Variants in HCN1 observed in about 807,000 individuals in gnomAD.
HCN1 encodes hyperpolarization activated cyclic nucleotide gated potassium channel 1, also known as potassium/sodium hyperpolarization-activated cyclic nucleotide-gated channel 1.
A neutral mutation model predicts 78.9 loss-of-function variants in HCN1; 13 were observed. The observed-to-expected ratio is 0.16, with a 90% CI of 0.11 to 0.26. HCN1 has a LOEUF of 0.26. HCN1 is among the 10% of genes least tolerant of loss of function. HCN1 has a pLI of 1.00. For synonymous variants in HCN1, 552 were observed against 455.5 expected, an observed-to-expected ratio of 1.21 and a Z score of -2.70; for missense variants, 810 against 1,154.3, an observed-to-expected ratio of 0.70 and a Z score of 4.32.
At chr5:45,315,327 C>T (rs751941932) in intron 5 of HCN1, among the ~76,000 whole-genome samples, 11 of 152,026 alleles carry the variant, frequency 7.2e-5, no homozygotes, top group Non-Finnish European at 1.5e-4. Context: ...GGGTACACAG[C>T]GAAATGAAGG....
chr5:45,648,430 AC>A (rs1745591507), intron 1 of HCN1, among the ~76,000 whole-genome samples: 1 of 152,036 alleles, frequency 6.6e-6, no homozygotes. Flanking sequence ...ACTCTGTTAA[AC>A]CCCATAATAT....
chr5:45,489,049 A>T (rs1741828558), intron 2 of HCN1, among the ~76,000 whole-genome samples: 1 of 152,180 alleles, frequency 6.6e-6, no homozygotes. Context: ...TGACTCTCAG[A>T]CAGGTAAGGC....
chr5:45,354,483 A>G (rs1746971412), intron 4 of HCN1, among the ~76,000 whole-genome samples: 1 of 152,052 alleles, frequency 6.6e-6, no homozygotes, highest in Non-Finnish European at 1.5e-5. Flanking sequence ...TCTTGATAAC[A>G]CAGCTCTGAC....
intron 4 of HCN1, among the ~76,000 whole-genome samples, chr5:45,369,099 C>CT (rs374140846): frequency 0.021 from 3,057 of 143,468 alleles, 81 homozygotes; most frequent in African/African-American, 0.063. Context: ...TTTCATGTGG[C>CT]TTTTTTTTTT....
intron 6 of HCN1, among the ~76,000 whole-genome samples, chr5:45,297,055 C>T (rs1053188571): frequency 1.3e-5 from 2 of 152,006 alleles, no homozygotes; most frequent in Non-Finnish European, 2.9e-5. Flanking sequence ...AGAGGTCTCA[C>T]AGCCTTCAGA....
At chr5:45,490,382 TG>T (rs1741858297) in intron 2 of HCN1, among the ~76,000 whole-genome samples, 2 of 152,328 alleles carry the variant, frequency 1.3e-5, no homozygotes, top group South Asian at 4.1e-4. Flanking sequence ...GACAAATTTA[TG>T]GGTTTTGCTT....
intron 2 of HCN1, among the ~76,000 whole-genome samples, chr5:45,586,796 G>T (rs902068044): frequency 6.6e-6 from 1 of 152,078 alleles, no homozygotes; most frequent in African/African-American, 2.4e-5. Flanking sequence ...TAGCACCAGA[G>T]ACTAAATTAA....
chr5:45,408,823 A>T lies in HCN1; in HGVS notation c.1012-12113T>A, dbSNP rs566375070. 7.2e-5 allele frequency among the ~76,000 whole-genome samples: 11 copies of T among 152,278 alleles called. 1 individual carries two copies. In the East Asian group the frequency reaches 2.1e-3, roughly 29 times the overall value. On this transcript the variant is annotated intron_variant, in intron 3 of 7. Coordinates refer to ENST00000303230, the MANE Select transcript of HCN1 (RefSeq NM_021072.4). ...AAAAACTACTAACAAAGTGAAATTA[A>T]AGTGAAAACAAAAAACGTTGTATAT...
In HCN1 at chr5:45,449,482, G is replaced by A. The variant is rs144960311; in HGVS notation, c.1011+12364C>T. Among the ~76,000 whole-genome samples, 66 of 152,186 alleles carry A rather than the reference G, an allele frequency of 4.3e-4. 1 individual carries two copies. The highest frequency in any genetic ancestry group is 6.8e-3 in the Middle Eastern group (2 of 294). On this transcript the variant is annotated intron_variant, in intron 3 of 7. Transcript: ENST00000303230. ...TAGGCATGCCAAGAGCTCATCAGTCGTCTGCTTTAAGGAGATTAGATGTCC... is the reference window on the plus strand; with the variant it reads ...TAGGCATGCCAAGAGCTCATCAGTCATCTGCTTTAAGGAGATTAGATGTCC...
At chr5:45,474,554 C>G (rs1167084781) in intron 2 of HCN1, among the ~76,000 whole-genome samples, 2 of 151,870 alleles carry the variant, frequency 1.3e-5, no homozygotes, top group African/African-American at 2.4e-5. Flanking sequence ...GATGATGCCA[C>G]CATCCTGGTT....
At chr5:45,359,648 C>G (rs911633149) in intron 4 of HCN1, among the ~76,000 whole-genome samples, 3 of 151,638 alleles carry the variant, frequency 2.0e-5, no homozygotes, top group Admixed American at 1.3e-4. Context: ...GCTACATTAA[C>G]TAGCTATTTG....
In HCN1 at chr5:45,401,921, G is replaced by A. The variant is rs377085403; in HGVS notation, c.1012-5211C>T. The stretch of plus-strand genomic sequence containing the variant: ...ACAAGGTCCTTGTTTAAAAAACAAG[G>A]ACCATCTCAATTCCAACAGGGGTTT... On this transcript the variant is annotated intron_variant, in intron 3 of 7. Coordinates refer to ENST00000303230, the MANE Select transcript of HCN1 (RefSeq NM_021072.4). Among the ~76,000 whole-genome samples the A allele has an allele frequency of 1.7e-3, 264 of 152,084 alleles. 1 individual carries two copies. The highest frequency in any genetic ancestry group is 6.1e-3 in the African/African-American group (255 of 41,506).
Position 45,267,260 on chromosome 5 carries a change from AAACAAAC to A in HCN1, c.1619-14_1619-8del. The A allele has an allele frequency of 6.2e-7, 1 of 1,613,610 alleles. No individual in the cohort carries two copies. Among genetic ancestry groups the A allele is most frequent in the South Asian group, 1.1e-5 (1 of 91,050 alleles). On this transcript the variant is annotated splice_region_variant and splice_polypyrimidine_tract_variant and intron_variant, in intron 6 of 7. Transcript: ENST00000303230. ...TTGGTCAGCAGGCAAATCTCTATAAAAACAAACAACAAAGAAGAATGACTTGTTTGAT... is the reference window on the plus strand; with the variant it reads ...TTGGTCAGCAGGCAAATCTCTATAAAAACAAAGAAGAATGACTTGTTTGAT...
chr5:45,461,752 A>G, intron 3 of HCN1, 94 bp downstream of exon 3: 1 of 1,140,266 alleles, frequency 8.8e-7, no homozygotes, highest in South Asian at 1.3e-5. Flanking sequence ...GTAAACATTT[A>G]TAGAGAAGAA....
Position 45,494,285 on chromosome 5 carries a change from T to C in HCN1, c.850-32278A>G, listed in dbSNP as rs565034241. Among the ~76,000 whole-genome samples the C allele has an allele frequency of 8.6e-3, 1,308 of 152,244 alleles. 25 individuals carry two copies. The highest frequency in any genetic ancestry group is 0.031 in the African/African-American group (1,275 of 41,548). On this transcript the variant is annotated intron_variant, in intron 2 of 7. Coordinates refer to ENST00000303230, the MANE Select transcript of HCN1 (RefSeq NM_021072.4). ...CTGTTGTTTCCTGACTTTTGAATGA[T>C]TGCCATTCTAACTGGTATGAGATGG...
chr5:45,590,511 A>G (rs1300109124), intron 2 of HCN1, among the ~76,000 whole-genome samples: 1 of 152,204 alleles, frequency 6.6e-6, no homozygotes, highest in East Asian at 1.9e-4. Context: ...GTTATTACCC[A>G]AAGTCCATGG....
chr5:45,410,313 G>A (rs1393451823), intron 3 of HCN1, among the ~76,000 whole-genome samples: 1 of 151,932 alleles, frequency 6.6e-6, no homozygotes, highest in African/African-American at 2.4e-5. Flanking sequence ...TATAGTGCTT[G>A]CAAATCTAAT....
chr5:45,336,540 C>G (rs990488682), intron 5 of HCN1, among the ~76,000 whole-genome samples: 2 of 151,968 alleles, frequency 1.3e-5, no homozygotes, highest in African/African-American at 2.4e-5. Flanking sequence ...TCTTCTATAC[C>G]TTGAAGTGTC....
At chr5:45,303,463 T>C (rs1184769823) in intron 6 of HCN1, 136 bp downstream of exon 6, 3 of 817,404 alleles carry the variant, frequency 3.7e-6, no homozygotes, top group South Asian at 1.4e-5. Flanking sequence ...AACACTGTTA[T>C]AGACACTTTT....
Sources: allele counts gnomAD v4.1 joint callset (sites outside exome capture counted in the v4.1 genomes callset), GRCh38; gene constraint gnomAD v4.1.1; transcripts MANE v1.5; gene names NCBI Gene and HGNC (gene_info 2026-07-23, HGNC 2026-07-21).